LIPH: variants seen among roughly 807,000 people sequenced by gnomAD.
The protein encoded by LIPH is lipase member H.
Under a neutral mutation model 47.6 loss-of-function variants are expected in LIPH, and 32 were observed. That is an observed-to-expected ratio of 0.67 (90% CI 0.51 to 0.90). The LOEUF (loss-of-function observed/expected upper bound fraction) is 0.90, where lower values mean the gene tolerates loss of function less well. Ranked by LOEUF, LIPH falls within the 40% of genes least tolerant of loss-of-function variation. The pLI, the probability that LIPH is intolerant of heterozygous loss-of-function variation, is 0.00. For missense variants in LIPH, 497 were observed against 541.4 expected (o/e 0.92, Z 0.81); for synonymous variants, 190 against 195.6 (o/e 0.97, Z 0.24).
At chr3:185,532,714 C>T (rs1560166536) in intron 3 of LIPH, among the ~76,000 whole-genome samples, 2 of 152,066 alleles carry the variant, frequency 1.3e-5, no homozygotes, top group African/African-American at 4.8e-5. Context: ...CGCTTGAACC[C>T]GGGAGGTGGA....
rs11349854 is a variant in LIPH, at chr3:185,541,394, C to CT, written c.50-6263dup. On this transcript the variant is annotated intron_variant, in intron 1 of 9. Coordinates refer to ENST00000296252, the MANE Select transcript of LIPH (RefSeq NM_139248.3). Reference sequence around the variant, plus strand: ...TCTCATTATTTCTGGATCTTTCTTTCTTTTTTTTTTTTTTTTTGATTGTTT... The same window carrying CT: ...TCTCATTATTTCTGGATCTTTCTTTCTTTTTTTTTTTTTTTTTTGATTGTTT... Among the ~76,000 whole-genome samples the CT allele has an allele frequency of 2.7e-3, 359 of 130,814 alleles. 1 individual carries two copies. Among genetic ancestry groups the CT allele is most frequent in the Middle Eastern group, 7.8e-3 (2 of 256 alleles). 85.8% of individuals were successfully genotyped at this position (130,814 alleles called of 152,430 possible).
chr3:185,546,351 T>A (rs1165040939), intron 1 of LIPH, among the ~76,000 whole-genome samples: 1 of 107,752 alleles, frequency 9.3e-6, no homozygotes. Flanking sequence ...AGACTCCGTC[T>A]CAAAAAAAAA....
chr3:185,515,236 G>GA lies in LIPH; in HGVS notation c.983-716dup, dbSNP rs369293210. ...GCATTCCCTAACCAGCAGACTCAGA[G>GA]AAAAAAAAAGTGGTGAATATGTGGG... On this transcript the variant is annotated intron_variant, in intron 7 of 9. Coordinates refer to ENST00000296252, the MANE Select transcript of LIPH (RefSeq NM_139248.3). Among the ~76,000 whole-genome samples the GA allele has an allele frequency of 8.4e-3, 1,233 of 147,656 alleles. 16 individuals are homozygous for GA. Among genetic ancestry groups the GA allele is most frequent in the African/African-American group, 0.029 (1,156 of 40,252 alleles).
At chr3:185,533,123 C>T (rs778242378) in intron 3 of LIPH, among the ~76,000 whole-genome samples, 1 of 152,078 alleles carries the variant, frequency 6.6e-6, no homozygotes, top group East Asian at 1.9e-4. Flanking sequence ...CAGTGTTGGC[C>T]CGAAAGCTGA....
intron 5 of LIPH, among the ~76,000 whole-genome samples, chr3:185,519,784 C>T (rs1317575507): frequency 8.2e-6 from 1 of 121,588 alleles, no homozygotes; most frequent in Non-Finnish European, 1.6e-5. Context: ...TTGCAGTGAG[C>T]CGAGATTGTG....
In LIPH at chr3:185,527,596, A is replaced by AAGTG; in HGVS notation, c.527-12_527-11insCACT. On this transcript the variant is annotated splice_polypyrimidine_tract_variant and intron_variant, in intron 3 of 9. Transcript: ENST00000296252. ...CTGCAGGGTCGAGGCCTGGAAGGAA[A>AAGTG]ACAGAGTCACTTGGCAGCCCCACAC... The AAGTG allele has an allele frequency of 6.3e-7, 1 of 1,576,228 alleles. No individual in the cohort carries two copies. The highest frequency in any genetic ancestry group is 8.7e-7 in the Non-Finnish European group (1 of 1,147,572).
chr3:185,532,149 A>C (rs74694564), intron 3 of LIPH, among the ~76,000 whole-genome samples: 1 of 152,192 alleles, frequency 6.6e-6, no homozygotes, highest in African/African-American at 2.4e-5. Flanking sequence ...TTTTGCATGC[A>C]ACTTCACGGC....
chr3:185,538,874 C>CAT (rs1203516189), intron 1 of LIPH, among the ~76,000 whole-genome samples: 5 of 140,500 alleles, frequency 3.6e-5, no homozygotes, highest in Non-Finnish European at 7.7e-5. Context: ...CATATATACA[C>CAT]ATATATATAC....
intron 5 of LIPH, among the ~76,000 whole-genome samples, chr3:185,521,053 A>G (rs1176237063): frequency 6.6e-6 from 1 of 151,966 alleles, no homozygotes; most frequent in Admixed American, 6.6e-5. Flanking sequence ...ATTTTAGTAG[A>G]TACAGGGTTT....
At position 185,507,799 on chromosome 3, in the gene LIPH, TA is replaced by T. The variant is rs1719425420; in HGVS notation, c.*990del. On this transcript the variant is annotated 3_prime_UTR_variant, in exon 10 of 10. Coordinates refer to ENST00000296252, the MANE Select transcript of LIPH (RefSeq NM_139248.3). ...TAGGATCGTGGACAGTATTTTTTTT[TA>T]ATTTTGTATCTACGCATTTTCTAAA... 1 of 152,206 alleles carries T rather than the reference TA, an allele frequency of 6.6e-6. No homozygotes were observed. The highest frequency in any genetic ancestry group is 1.5e-5 in the Non-Finnish European group (1 of 68,034). 9.4% of individuals were successfully genotyped at this position (152,206 alleles called of 1,614,324 possible).
chr3:185,533,168 C>T lies in LIPH; in HGVS notation c.526+403G>A, dbSNP rs149388780. On this transcript the variant is annotated intron_variant, in intron 3 of 9. Coordinates refer to ENST00000296252, the MANE Select transcript of LIPH (RefSeq NM_139248.3). The stretch of plus-strand genomic sequence containing the variant: ...AATAAGCCCCAGCCATCAAAATTCC[C>T]ATCTCGTTTTCTTATGAGACTCCAG... 1.1e-3 allele frequency among the ~76,000 whole-genome samples: 163 copies of T among 152,146 alleles called. 1 individual carries two copies. The highest frequency in any genetic ancestry group is 3.5e-3 in the African/African-American group (147 of 41,528).
chr3:185,542,400 C>G (rs1031860990), intron 1 of LIPH, among the ~76,000 whole-genome samples: 1 of 151,988 alleles, frequency 6.6e-6, no homozygotes, highest in African/African-American at 2.4e-5. Flanking sequence ...ACTGCAACCT[C>G]CACCTCCCAG....
intron 1 of LIPH, chr3:185,546,825 C>CA (rs1477289909): frequency 2.6e-6 from 1 of 389,666 alleles, no homozygotes; most frequent in South Asian, 1.9e-5. Context: ...AAAAACAAAA[C>CA]AAAAAAAGCC....
At chr3:185,520,794 T>A (rs1577669950) in intron 5 of LIPH, among the ~76,000 whole-genome samples, 1 of 152,018 alleles carries the variant, frequency 6.6e-6, no homozygotes, top group African/African-American at 2.4e-5. Flanking sequence ...TCACTTACTC[T>A]CCAGCATTGT....
At chr3:185,537,589 C>T (rs895204056) in intron 1 of LIPH, among the ~76,000 whole-genome samples, 14 of 152,038 alleles carry the variant, frequency 9.2e-5, no homozygotes, top group South Asian at 4.2e-4. Flanking sequence ...CAGGAAGTGT[C>T]TTGGGGTAGG....
intron 1 of LIPH, among the ~76,000 whole-genome samples, chr3:185,547,855 G>T (rs1720926341): frequency 6.6e-6 from 1 of 151,114 alleles, no homozygotes; most frequent in Admixed American, 6.6e-5. Context: ...AAGAAAGAAA[G>T]AAAGTATTTA....
chr3:185,541,599 TC>T (rs767783650), intron 1 of LIPH, among the ~76,000 whole-genome samples: 2 of 151,294 alleles, frequency 1.3e-5, no homozygotes, highest in South Asian at 4.2e-4. Flanking sequence ...AGAGATGAGG[TC>T]TTGCTATGTT....
chr3:185,514,627 C>A (rs1369089595), intron 7 of LIPH, 106 bp from the exon 8 acceptor site: 1 of 725,424 alleles, frequency 1.4e-6, no homozygotes, highest in African/African-American at 1.7e-5. Context: ...GTCTCTTCTT[C>A]TCTTTCTCTC....
At chr3:185,533,536 AG>A in intron 3 of LIPH, 34 bp downstream of exon 3, 1 of 1,417,770 alleles carries the variant, frequency 7.1e-7, no homozygotes, top group Non-Finnish European at 1.0e-6. Context: ...CACCCTGCCC[AG>A]GCTACCAACC....
Sources: gnomAD v4.1 joint callset for allele counts (sites outside exome capture counted in the v4.1 genomes callset) on GRCh38, gnomAD v4.1.1 for gene constraint, MANE v1.5 for transcripts, NCBI Gene and HGNC (gene_info 2026-07-23, HGNC 2026-07-21) for gene names.